The following STK32B variants were observed in gnomAD, a reference collection of about 807,000 sequenced individuals.
The protein encoded by STK32B is serine/threonine kinase 32B.
STK32B carries 43 observed loss-of-function variants against 52.6 expected under a neutral mutation model. That is an observed-to-expected ratio of 0.82 (90% CI 0.64 to 1.05). STK32B has a LOEUF of 1.05. STK32B is among the 50% of genes least tolerant of loss of function. STK32B has a pLI of 0.00. For synonymous variants in STK32B, 238 were observed against 204.3 expected (o/e 1.17, Z -1.41); for missense variants, 621 against 534.6 (o/e 1.16, Z -1.59).
At chr4:5,027,470 C>T in the STK32B span, among the ~76,000 whole-genome samples, 1 of 152,178 alleles carries the variant, frequency 6.6e-6, no homozygotes, top group African/African-American at 2.4e-5. Context: ...AGAAAAACTA[C>T]AGGCTTTGGA....
intron 4 of STK32B, among the ~76,000 whole-genome samples, chr4:5,361,070 TAC>T (rs1272783808): frequency 3.3e-5 from 5 of 152,224 alleles, no homozygotes; most frequent in Non-Finnish European, 5.9e-5. Flanking sequence ...AGTAGAATCA[TAC>T]AGTCTTCGTC....
chr4:5,195,670 G>C (rs777679608), intron 3 of STK32B, among the ~76,000 whole-genome samples: 3 of 152,140 alleles, frequency 2.0e-5, no homozygotes, highest in Non-Finnish European at 4.4e-5. Flanking sequence ...CCAGCCTGGC[G>C]ACAGAGTGAG....
intron 2 of STK32B, among the ~76,000 whole-genome samples, chr4:5,158,103 C>G (rs1258440698): frequency 6.6e-6 from 1 of 152,180 alleles, no homozygotes; most frequent in Non-Finnish European, 1.5e-5. Flanking sequence ...TCATGAATGG[C>G]TTGCAAGCGT....
intron 3 of STK32B, among the ~76,000 whole-genome samples, chr4:5,269,552 AT>A (rs1383037861): frequency 2.6e-5 from 4 of 152,186 alleles, no homozygotes; most frequent in Non-Finnish European, 5.9e-5. Context: ...GAAACAGACA[AT>A]TTGTTAGAAT....
rs113726667 is a variant in STK32B, at chr4:5,395,888, C to A, written c.435-2319C>A. On this transcript the variant is annotated intron_variant, in intron 4 of 11. Transcript: ENST00000282908. This position sits in a 1 kb window ranked among gnomAD's most constrained non-coding sequence, Gnocchi z 4.4. ...CCTTGGCTCTGTGGGGTCTAGGGAC[C>A]AAGGTGGCCACATCCGTGCCCCATT... Among the ~76,000 whole-genome samples the A allele has an allele frequency of 1.2e-4, 19 of 152,304 alleles. No homozygotes were observed. Among genetic ancestry groups the A allele is most frequent in the African/African-American group, 3.6e-4 (15 of 41,558 alleles).
At chr4:5,321,831 G>T (rs941584469) in intron 3 of STK32B, among the ~76,000 whole-genome samples, 5 of 152,094 alleles carry the variant, frequency 3.3e-5, no homozygotes, top group African/African-American at 1.2e-4. Context: ...GCCTGGAGGT[G>T]CTGGATGGCT....
intron 2 of STK32B, among the ~76,000 whole-genome samples, chr4:5,145,401 T>G (rs1322569096): frequency 6.6e-6 from 1 of 152,184 alleles, no homozygotes; most frequent in African/African-American, 2.4e-5. Context: ...CATCTTAAAC[T>G]TACATTTATT....
chr4:5,209,677 G>A (rs1722788693), intron 3 of STK32B, among the ~76,000 whole-genome samples: 1 of 152,148 alleles, frequency 6.6e-6, no homozygotes, highest in Non-Finnish European at 1.5e-5. Context: ...CCCAGCAGCT[G>A]CCATCTACAC....
chr4:5,198,106 A>T (rs76059127), intron 3 of STK32B, among the ~76,000 whole-genome samples: 3,695 of 152,316 alleles, frequency 0.024, 57 homozygotes, highest in Middle Eastern at 0.075. Context: ...CAGAGTAGGA[A>T]CTTCACAAAA....
At position 5,468,161 on chromosome 4, in the gene STK32B, C is replaced by T. The variant is rs1037341167; in HGVS notation, c.1106+91C>T. The T allele has an allele frequency of 9.6e-5, 128 of 1,335,218 alleles. 1 individual carries two copies. The Middle Eastern group carries it at 1.2e-3, about 13-fold the overall frequency. 82.7% of individuals were successfully genotyped at this position (1,335,218 alleles called of 1,614,324 possible). A position where few individuals can be genotyped will look rare whatever the true frequency, so the allele number is the denominator to read the frequency against. ...GAATCACAGTCCCTGCCCCCCAAAC[C>T]GGCCTTGACGACAAAAGGGAAGGTA... On this transcript the variant is annotated intron_variant, in intron 11 of 11. Transcript: ENST00000282908.
At chr4:5,375,907 G>A (rs796835119) in intron 4 of STK32B, among the ~76,000 whole-genome samples, 5 of 152,252 alleles carry the variant, frequency 3.3e-5, no homozygotes, top group African/African-American at 1.2e-4. Flanking sequence ...AGGGGTTGGA[G>A]ACACCACTCA....
At chr4:5,444,835 T>A (rs997087703) in intron 6 of STK32B, among the ~76,000 whole-genome samples, 1 of 152,208 alleles carries the variant, frequency 6.6e-6, no homozygotes, top group Non-Finnish European at 1.5e-5. Flanking sequence ...AAGTCACTTA[T>A]CACTAACAGG....
intron 2 of STK32B, among the ~76,000 whole-genome samples, chr4:5,142,555 G>T (rs1246978996): frequency 6.6e-6 from 1 of 152,206 alleles, no homozygotes; most frequent in East Asian, 1.9e-4. Context: ...CATTTATGTT[G>T]TCAAGTGAAT....
rs111652125 is a variant in STK32B at position 5,143,688 on chromosome 4, C to G, written c.108+3728C>G. Among the ~76,000 whole-genome samples the G allele has an allele frequency of 5.3e-3, 800 of 152,266 alleles. 4 individuals carry two copies. The highest frequency in any genetic ancestry group is 0.018 in the African/African-American group (759 of 41,558). ...AGGCCCTTGCTCCTAGCCTGCTGTT[C>G]TCTCTGCCTGGCACTCACACTATCC... On this transcript the variant is annotated intron_variant, in intron 2 of 11. Transcript: ENST00000282908.
intron 3 of STK32B, among the ~76,000 whole-genome samples, chr4:5,321,784 C>T (rs932378395): frequency 1.3e-5 from 2 of 152,294 alleles, no homozygotes; most frequent in South Asian, 2.1e-4. Flanking sequence ...CCTGCCTTCA[C>T]CTCATCACGC....
intron 3 of STK32B, among the ~76,000 whole-genome samples, chr4:5,218,715 A>G (rs2108793945): frequency 6.6e-6 from 1 of 152,316 alleles, no homozygotes; most frequent in Admixed American, 6.5e-5. Flanking sequence ...AAGTTCTAAA[A>G]ACTTAAACCA....
intron 5 of STK32B, among the ~76,000 whole-genome samples, chr4:5,414,408 C>T (rs986470241): frequency 1.3e-5 from 2 of 151,878 alleles, no homozygotes; most frequent in African/African-American, 4.8e-5. Flanking sequence ...GATATTCATC[C>T]AAAATGGAAT....
intron 8 of STK32B, among the ~76,000 whole-genome samples, chr4:5,459,288 C>G (rs1253833385): frequency 2.0e-5 from 3 of 149,380 alleles, no homozygotes; most frequent in Non-Finnish European, 3.0e-5. Flanking sequence ...GTGTGCCCCC[C>G]CCCCCCACCT....
At chr4:5,444,864 T>C (rs13132676) in intron 6 of STK32B, among the ~76,000 whole-genome samples, 19,457 of 152,234 alleles carry the variant, frequency 0.13, 1,888 homozygotes, top group East Asian at 0.53. Context: ...GCAGCACCAG[T>C]GGTCTTCCTG....
Sources: gnomAD v4.1 joint callset for allele counts (sites outside exome capture counted in the v4.1 genomes callset) on GRCh38, gnomAD v4.1.1 for gene constraint, Gnocchi (gnomAD v3.1) non-coding constraint, MANE v1.5 for transcripts, NCBI Gene and HGNC (gene_info 2026-07-23, HGNC 2026-07-21) for gene names.